The following KIAA1328 variants were observed in gnomAD, a reference collection of about 807,000 sequenced individuals.
KIAA1328 encodes the protein KIAA1328, also known as protein hinderin.
In KIAA1328, 52 loss-of-function variants were observed where a neutral mutation model predicts 68.1. The ratio of observed to expected loss-of-function variants is 0.76; its 90% CI spans 0.61 to 0.96. The LOEUF is 0.96. Among genes scored for constraint, KIAA1328 ranks in the 40% least tolerant of loss-of-function variants. The probability of loss-of-function intolerance (pLI) is 0.00; values close to 1 mark genes in which losing one functional copy is unlikely to be tolerated. For missense variants in KIAA1328, 641 were observed against 677.6 expected (o/e 0.95, Z 0.60); for synonymous variants, 232 against 239.4 (o/e 0.97, Z 0.28).
chr18:37,170,895 G>T (rs1236783487), intron 8 of KIAA1328, among the ~76,000 whole-genome samples: 1 of 152,156 alleles, frequency 6.6e-6, no homozygotes, highest in East Asian at 1.9e-4. Flanking sequence ...TAGAGATAGA[G>T]AGGGGGCTAG....
chr18:36,930,683 A>C (rs889825819), intron 5 of KIAA1328, among the ~76,000 whole-genome samples: 4 of 152,056 alleles, frequency 2.6e-5, no homozygotes, highest in Admixed American at 6.5e-5. Flanking sequence ...GCTGTGCATC[A>C]TAATGCTTTG....
intron 9 of KIAA1328, among the ~76,000 whole-genome samples, chr18:37,186,089 G>T (rs2059792165): frequency 7.1e-6 from 1 of 140,788 alleles, no homozygotes; most frequent in South Asian, 2.2e-4. Flanking sequence ...GGGCTTCAAG[G>T]ATGTCTTTTT....
intron 7 of KIAA1328, among the ~76,000 whole-genome samples, chr18:37,108,999 A>C (rs565494008): frequency 6.8e-6 from 1 of 146,552 alleles, no homozygotes; most frequent in South Asian, 2.2e-4. Flanking sequence ...TCATTGTTCA[A>C]CTCCCACCTA....
intron 6 of KIAA1328, among the ~76,000 whole-genome samples, chr18:36,987,515 A>G (rs1242005428): frequency 6.6e-6 from 1 of 151,008 alleles, no homozygotes; most frequent in Non-Finnish European, 1.5e-5. Context: ...AATAAAAATA[A>G]AAAAATAAAA....
At chr18:36,871,871 CAT>C (rs1193209711) in intron 4 of KIAA1328, among the ~76,000 whole-genome samples, 2 of 151,960 alleles carry the variant, frequency 1.3e-5, no homozygotes, top group East Asian at 3.9e-4. Flanking sequence ...ATGGAGGCCA[CAT>C]GTGGGCAGGT....
chr18:37,129,229 AT>A (rs1487903854), intron 7 of KIAA1328, among the ~76,000 whole-genome samples: 1 of 152,132 alleles, frequency 6.6e-6, no homozygotes, highest in African/African-American at 2.4e-5. Context: ...CATTCCTATA[AT>A]TTTTTCCTTG....
At chr18:36,863,790 T>C (rs1168739949) in intron 4 of KIAA1328, among the ~76,000 whole-genome samples, 1 of 152,198 alleles carries the variant, frequency 6.6e-6, no homozygotes, top group Non-Finnish European at 1.5e-5. Flanking sequence ...TATTATATTT[T>C]TTGATTCTGC....
chr18:36,839,164 C>G (rs1368621678), intron 3 of KIAA1328, among the ~76,000 whole-genome samples: 1 of 152,164 alleles, frequency 6.6e-6, no homozygotes, highest in East Asian at 1.9e-4. Context: ...TTGTTTCCCT[C>G]TCTTTCTAGT....
At chr18:37,168,742 G>T (rs957508415) in intron 8 of KIAA1328, among the ~76,000 whole-genome samples, 8 of 152,146 alleles carry the variant, frequency 5.3e-5, no homozygotes, top group African/African-American at 1.9e-4. Flanking sequence ...AGGCAAGAAG[G>T]AATTGTGACT....
chr18:36,979,806 G>A (rs894764799), intron 6 of KIAA1328, among the ~76,000 whole-genome samples: 1 of 152,186 alleles, frequency 6.6e-6, no homozygotes, highest in Non-Finnish European at 1.5e-5. Context: ...AAAGAAAGGA[G>A]AAGAGACTCA....
chr18:37,068,009 C>T (rs1251825894), intron 7 of KIAA1328, among the ~76,000 whole-genome samples: 3 of 152,116 alleles, frequency 2.0e-5, no homozygotes, highest in African/African-American at 7.2e-5. Context: ...GTAAATTCCC[C>T]TTTATTCTTT....
At chr18:36,849,141 T>G (rs184555708) in intron 4 of KIAA1328, among the ~76,000 whole-genome samples, 28 of 152,054 alleles carry the variant, frequency 1.8e-4, no homozygotes, top group African/African-American at 5.5e-4. Context: ...AGAACTTCTT[T>G]CATCTTCTGT....
intron 6 of KIAA1328, among the ~76,000 whole-genome samples, chr18:37,047,643 C>T (rs542215437): frequency 1.9e-4 from 29 of 152,294 alleles, no homozygotes; most frequent in South Asian, 4.1e-4. Flanking sequence ...TCCAAAATTT[C>T]GCATAAATGT....
chr18:37,224,164 A>AG lies in KIAA1328; in HGVS notation c.*1937_*1938insG. The AG allele has an allele frequency of 1.0e-6, 1 of 985,114 alleles. No individual in the cohort carries two copies. The highest frequency in any genetic ancestry group is 1.2e-6 in the Non-Finnish European group (1 of 829,884). The allele number at this position is 985,114 out of a possible 1,614,324, so 61.0% of individuals were successfully genotyped here. A position where few individuals can be genotyped will look rare whatever the true frequency, so the allele number is the denominator to read the frequency against. On this transcript the variant is annotated 3_prime_UTR_variant, in exon 10 of 10. Transcript: ENST00000280020. ...GTCATGACTAGCTTAAGTGTACTTG[A>AG]CTCCCATAGACTACTCCCATGCCCA...
intron 7 of KIAA1328, among the ~76,000 whole-genome samples, chr18:37,132,606 C>G (rs1050970300): frequency 6.6e-6 from 1 of 152,090 alleles, no homozygotes; most frequent in Admixed American, 6.6e-5. Flanking sequence ...ATATGCATTC[C>G]CTTAAGGTAA....
intron 7 of KIAA1328, among the ~76,000 whole-genome samples, chr18:37,114,005 A>G (rs2058026167): frequency 6.6e-6 from 1 of 152,232 alleles, no homozygotes; most frequent in Admixed American, 6.5e-5. Flanking sequence ...CCAGATTCAT[A>G]AAGCAAGTCC....
chr18:36,921,505 G>A (rs1162593186), intron 5 of KIAA1328, among the ~76,000 whole-genome samples: 1 of 152,044 alleles, frequency 6.6e-6, no homozygotes, highest in Non-Finnish European at 1.5e-5. Context: ...CCGGGTTCAC[G>A]CCATTCCTCT....
rs1442065504 is a variant in KIAA1328 at position 37,067,262 on chromosome 18, G to A, written c.949G>A (p.Asp317Asn). ...TAGACTTGCTGCAGATCGTGTTCAT[G>A]ACAGCCATCCTACAAACATGACCCC... is the stretch of plus-strand genomic sequence containing the variant. ...GHRLAADRVH[D>N]SHPTNMTPQH... Residue 317 changes from aspartate (D) to asparagine (N), a missense_variant, in exon 7 of 10, where the codon GAC becomes AAC. Transcript: ENST00000280020. 1 of 1,613,858 alleles carries A rather than the reference G, an allele frequency of 6.2e-7. No homozygotes were observed. The highest frequency in any genetic ancestry group is 1.3e-5 in the African/African-American group (1 of 74,910).
chr18:37,110,717 G>A (rs1252476851), intron 7 of KIAA1328, among the ~76,000 whole-genome samples: 1 of 152,140 alleles, frequency 6.6e-6, no homozygotes, highest in African/African-American at 2.4e-5. Context: ...TGTGAAGATA[G>A]ATGAAAAGAA....
Sources: gnomAD v4.1 joint callset for allele counts (sites outside exome capture counted in the v4.1 genomes callset) on GRCh38, gnomAD v4.1.1 for gene constraint, MANE v1.5 for transcripts, NCBI Gene and HGNC (gene_info 2026-07-23, HGNC 2026-07-21) for gene names.